The following CD80 variants were observed in gnomAD, a reference collection of about 807,000 sequenced individuals.
CD80 encodes T-lymphocyte activation antigen CD80.
CD80 carries 13 observed loss-of-function variants against 27.1 expected under a neutral mutation model. The observed-to-expected ratio is 0.48, with a 90% CI of 0.31 to 0.76. The LOEUF (loss-of-function observed/expected upper bound fraction) is 0.76. Ranked by LOEUF, CD80 falls within the 30% of genes least tolerant of loss-of-function variation. CD80 has a pLI of 0.04. For missense variants in CD80, 277 were observed against 347.9 expected, an observed-to-expected ratio of 0.80 and a Z score of 1.62; for synonymous variants, 125 against 125.5, an observed-to-expected ratio of 1.00 and a Z score of 0.03.
intron 6 of CD80, among the ~76,000 whole-genome samples, chr3:119,526,478 CAGGAT>C (rs1307046752): frequency 6.6e-6 from 1 of 152,150 alleles, no homozygotes; most frequent in Non-Finnish European, 1.5e-5. Context: ...AATGAAAAAA[CAGGAT>C]AGGAAGTTGA....
At chr3:119,545,336 C>A (rs557567308) in intron 2 of CD80, among the ~76,000 whole-genome samples, 46 of 151,182 alleles carry the variant, frequency 3.0e-4, no homozygotes, top group Non-Finnish European at 4.4e-4. Context: ...AACTCCATCT[C>A]CAAACAAACA....
In CD80 at chr3:119,557,671, A is replaced by T. The variant is rs749632025; in HGVS notation, c.58T>A (p.Phe20Ile). 1.2e-6 allele frequency: 2 copies of T among 1,613,812 alleles called. No homozygotes were observed. Among genetic ancestry groups the T allele is most frequent in the East Asian group, 4.5e-5 (2 of 44,870 alleles). The change falls in exon 2 of 7, where the codon TTT becomes ATT. Residue 20 changes from phenylalanine to isoleucine, a missense_variant. By Grantham distance (21) the Phe-to-Ile change is conservative. Transcript: ENST00000264246. The stretch of plus-strand genomic sequence containing the variant: ...AGACCAGCCAGCACCAAGAGCTGAA[A>T]GAAATTGAGGTATGGACACTTGGAT... ...SPSKCPYLNF[F>I]QLLVLAGLSH... is the part of the protein sequence containing the mutation.
intron 2 of CD80, among the ~76,000 whole-genome samples, chr3:119,555,721 A>G (rs979639668): frequency 3.3e-5 from 5 of 152,220 alleles, no homozygotes; most frequent in Admixed American, 6.5e-5. Flanking sequence ...TTGAGTGGCT[A>G]TTGGATTACT....
intron 5 of CD80, 128 bp downstream of exon 5, chr3:119,529,714 C>T: frequency 1.5e-6 from 1 of 653,580 alleles, no homozygotes. Flanking sequence ...AGGAGATGCT[C>T]ATGTTTCCAT....
chr3:119,540,532 C>T (rs937861294), intron 3 of CD80, among the ~76,000 whole-genome samples: 3 of 152,002 alleles, frequency 2.0e-5, no homozygotes, highest in Admixed American at 2.0e-4. Context: ...TTGTTATTTC[C>T]CACTTATTAA....
chr3:119,527,812 T>G lies in CD80; in HGVS notation c.826A>C (p.Arg276=). 6.2e-7 allele frequency: 1 copy of G among 1,613,974 alleles called. No individual in the cohort carries two copies. The highest frequency in any genetic ancestry group is 1.1e-5 in the South Asian group (1 of 91,082). The change falls in exon 6 of 7, where the codon AGG becomes CGG. Residue 276 remains arginine (R), a synonymous_variant. Transcript: ENST00000264246. The part of the protein sequence containing the change: ...CFAPRCRERR[R]NERLRRESVR... ...CTTTCCCTTCTCAATCTCTCATTCC[T>G]CCTTCTCTCTCTGCATCTTGGGGCA...
At chr3:119,558,070 C>G (rs923438969) in intron 1 of CD80, 142 bp from the exon 2 acceptor site, 1 of 168,608 alleles carries the variant, frequency 5.9e-6, no homozygotes, top group Non-Finnish European at 1.3e-5. Context: ...TGAGGAAAAG[C>G]GAATGGAAAT....
At chr3:119,530,894 A>G (rs2082106280) in intron 4 of CD80, among the ~76,000 whole-genome samples, 1 of 152,276 alleles carries the variant, frequency 6.6e-6, no homozygotes, top group Admixed American at 6.5e-5. Flanking sequence ...TGAATAAAGC[A>G]AAAGGATACG....
intron 4 of CD80, among the ~76,000 whole-genome samples, chr3:119,535,549 A>C (rs1239398084): frequency 6.6e-6 from 1 of 152,180 alleles, no homozygotes; most frequent in Non-Finnish European, 1.5e-5. Flanking sequence ...TTATAGGCCT[A>C]AGATGTATAT....
chr3:119,546,312 A>G (rs1045589083), intron 2 of CD80, among the ~76,000 whole-genome samples: 4 of 152,192 alleles, frequency 2.6e-5, no homozygotes, highest in South Asian at 2.1e-4. Context: ...TAGATAGCCT[A>G]TATTGAATTA....
chr3:119,533,466 C>T (rs1420160732), intron 4 of CD80, among the ~76,000 whole-genome samples: 1 of 151,654 alleles, frequency 6.6e-6, no homozygotes, highest in Non-Finnish European at 1.5e-5. Context: ...GTGTCCCCAC[C>T]CAAATCTCAT....
At chr3:119,531,342 T>G (rs2082110054) in intron 4 of CD80, among the ~76,000 whole-genome samples, 1 of 152,230 alleles carries the variant, frequency 6.6e-6, no homozygotes, top group Non-Finnish European at 1.5e-5. Flanking sequence ...GCATTTGGAT[T>G]TCTTGTAGGC....
intron 2 of CD80, among the ~76,000 whole-genome samples, chr3:119,551,059 C>T (rs905664640): frequency 2.0e-4 from 31 of 152,274 alleles, no homozygotes; most frequent in African/African-American, 3.4e-4. Context: ...TACATAATTA[C>T]GTATGGAGCT....
rs777455046 is a variant in CD80 at position 119,529,896 on chromosome 3, C to T, written c.742G>A (p.Ala248Thr). 4.3e-6 allele frequency: 7 copies of T among 1,613,698 alleles called. No homozygotes were observed. The highest frequency in any genetic ancestry group is 1.3e-5 in the African/African-American group (1 of 74,896). Residue 248 changes from alanine to threonine, a missense_variant, in exon 5 of 7, where the codon GCC (alanine) becomes ACC (threonine). Coordinates refer to ENST00000264246, the MANE Select transcript of CD80 (RefSeq NM_005191.4). ...CCATTTACTGAGATTAAGGTAATGG[C>T]CCAGGATGGGAGCAGGTTATCAGGA... ...HFPDNLLPSW[A>T]ITLISVNGIF... is the part of the protein sequence containing the mutation.
intron 3 of CD80, among the ~76,000 whole-genome samples, chr3:119,543,440 G>T (rs2082181556): frequency 6.7e-6 from 1 of 148,908 alleles, no homozygotes. Context: ...GTAGGGAAAT[G>T]CTCACCCTCC....
intron 3 of CD80, among the ~76,000 whole-genome samples, chr3:119,537,677 C>T (rs1318627008): frequency 2.0e-5 from 3 of 152,084 alleles, no homozygotes; most frequent in Non-Finnish European, 4.4e-5. Flanking sequence ...TGGCAGGCGC[C>T]TATAATCCCA....
intron 3 of CD80, among the ~76,000 whole-genome samples, chr3:119,538,720 ATAGAGAAGGC>A (rs1165849393): frequency 2.6e-5 from 4 of 152,194 alleles, no homozygotes; most frequent in African/African-American, 9.7e-5. Flanking sequence ...CAATACATAA[ATAGAGAAGGC>A]TTTGCCTAAC....
At chr3:119,529,810 T>G in intron 5 of CD80, 32 bp downstream of exon 5, 42 of 1,404,254 alleles carry the variant, frequency 3.0e-5, no homozygotes, top group Non-Finnish European at 4.1e-5. Context: ...CTTCCAGAAT[T>G]GAGATCAGGA....
rs567993414 is a variant in CD80, at chr3:119,555,350, T to A, written c.100+2279A>T. On this transcript the variant is annotated intron_variant, in intron 2 of 6. Coordinates refer to ENST00000264246, the MANE Select transcript of CD80 (RefSeq NM_005191.4). ...GCAAATTTATAATGACTTATATCTATCATTACAGTATTATGCAAAATAGAT... is the reference window on the plus strand; with the variant it reads ...GCAAATTTATAATGACTTATATCTAACATTACAGTATTATGCAAAATAGAT... Among the ~76,000 whole-genome samples the A allele has an allele frequency of 3.9e-5, 6 of 152,338 alleles. No homozygotes were observed. In the South Asian group the frequency reaches 1.2e-3, roughly 32 times the overall value.
Sources: allele counts gnomAD v4.1 joint callset (sites outside exome capture counted in the v4.1 genomes callset), GRCh38; gene constraint gnomAD v4.1.1; transcripts MANE v1.5; gene names NCBI Gene and HGNC (gene_info 2026-07-23, HGNC 2026-07-21).